Variants in PTPRG observed in about 807,000 individuals in gnomAD.
PTPRG encodes protein tyrosine phosphatase receptor type G, also known as receptor-type tyrosine-protein phosphatase gamma.
In PTPRG, 102 loss-of-function variants were observed where a neutral mutation model predicts 165.3. The ratio of observed to expected loss-of-function variants is 0.62; its 90% CI spans 0.53 to 0.73. PTPRG has a LOEUF of 0.73. PTPRG is among the 30% of genes least tolerant of loss of function. The pLI, the probability that PTPRG is intolerant of heterozygous loss-of-function variation, is 0.00. For synonymous variants in PTPRG, 675 were observed against 669.5 expected, an observed-to-expected ratio of 1.01 and a Z score of -0.13; for missense variants, 1,866 against 1,861.4, an observed-to-expected ratio of 1.00 and a Z score of -0.05.
chr3:62,059,313 C>G (rs190844224), intron 4 of PTPRG, among the ~76,000 whole-genome samples: 66 of 152,278 alleles, frequency 4.3e-4, no homozygotes, highest in Non-Finnish European at 8.4e-4. Flanking sequence ...GTTCCTCATT[C>G]CATTCCCCTA....
chr3:62,116,583 C>G (rs1346062472), intron 5 of PTPRG, among the ~76,000 whole-genome samples: 3 of 152,112 alleles, frequency 2.0e-5, no homozygotes, highest in Non-Finnish European at 4.4e-5. Flanking sequence ...GTGTATGTTT[C>G]CATTAATGCC....
chr3:61,859,869 T>C (rs1280526425), intron 2 of PTPRG, among the ~76,000 whole-genome samples: 1 of 152,172 alleles, frequency 6.6e-6, no homozygotes, highest in African/African-American at 2.4e-5. Flanking sequence ...CAACATAAAC[T>C]CTCCCATCTG....
At chr3:61,870,961 G>A (rs930236385) in intron 2 of PTPRG, among the ~76,000 whole-genome samples, 1 of 151,996 alleles carries the variant, frequency 6.6e-6, no homozygotes, top group Non-Finnish European at 1.5e-5. Context: ...ATGAATATTC[G>A]AATCAGGGGT....
intron 1 of PTPRG, among the ~76,000 whole-genome samples, chr3:61,741,789 T>C (rs536546115): frequency 6.6e-6 from 1 of 152,292 alleles, no homozygotes; most frequent in South Asian, 2.1e-4. Context: ...TTTGTGGCCA[T>C]GTATCTTCTT....
intron 2 of PTPRG, among the ~76,000 whole-genome samples, chr3:61,775,915 C>T (rs891990553): frequency 2.2e-4 from 9 of 41,048 alleles, no homozygotes; most frequent in Admixed American, 3.8e-4. Flanking sequence ...CATCATACAC[C>T]GGGGGCTGTT....
chr3:61,676,485 A>G (rs1032075826), intron 1 of PTPRG, among the ~76,000 whole-genome samples: 13 of 149,714 alleles, frequency 8.7e-5, no homozygotes, highest in African/African-American at 3.2e-4. Context: ...GAAAATTACT[A>G]AAGTCTGTGA....
intron 2 of PTPRG, among the ~76,000 whole-genome samples, chr3:61,919,692 T>G (rs2039030663): frequency 6.6e-6 from 1 of 152,114 alleles, no homozygotes; most frequent in African/African-American, 2.4e-5. Context: ...TTCATGTACC[T>G]CCTCTAAAGG....
intron 6 of PTPRG, among the ~76,000 whole-genome samples, chr3:62,142,516 A>G (rs764296426): frequency 2.0e-4 from 30 of 152,172 alleles, no homozygotes; most frequent in Non-Finnish European, 4.0e-4. Context: ...ATCAAAGAAG[A>G]CAATGATTAA....
chr3:61,997,927 T>A lies in PTPRG; in HGVS notation c.371-5422T>A, dbSNP rs949658217. ...TGTGGAAGGTGGTCTGGGGATCCCA[T>A]CATTAGGGTCCAATAATGGTAGGCT... is the stretch of plus-strand genomic sequence containing the variant. On this transcript the variant is annotated intron_variant, in intron 3 of 29. Transcript: ENST00000474889. Among the ~76,000 whole-genome samples the A allele has an allele frequency of 2.0e-5, 3 of 152,198 alleles. No individual in the cohort carries two copies. The East Asian group carries it at 5.8e-4, about 29-fold the overall frequency.
At chr3:61,781,426 A>G (rs2034541698) in intron 2 of PTPRG, among the ~76,000 whole-genome samples, 1 of 152,240 alleles carries the variant, frequency 6.6e-6, no homozygotes, top group African/African-American at 2.4e-5. Context: ...ATAATTTAAT[A>G]TATTTTTTGA....
intron 1 of PTPRG, among the ~76,000 whole-genome samples, chr3:61,619,738 TATGA>T (rs1214888174): frequency 6.6e-6 from 1 of 152,172 alleles, no homozygotes; most frequent in Non-Finnish European, 1.5e-5. Context: ...GAAGGTGAGC[TATGA>T]ATTAGTGGCA....
At chr3:61,967,913 T>C (rs2040305287) in intron 2 of PTPRG, among the ~76,000 whole-genome samples, 1 of 152,218 alleles carries the variant, frequency 6.6e-6, no homozygotes, top group Non-Finnish European at 1.5e-5. Context: ...CTAGTAAACA[T>C]GTAAAATAAG....
intron 6 of PTPRG, among the ~76,000 whole-genome samples, chr3:62,138,549 T>G (rs923453609): frequency 1.3e-5 from 2 of 151,910 alleles, no homozygotes; most frequent in Non-Finnish European, 2.9e-5. Flanking sequence ...TGAATCTCCA[T>G]CTCTACTAAA....
At chr3:61,655,260 C>T (rs1702479807) in intron 1 of PTPRG, among the ~76,000 whole-genome samples, 1 of 152,180 alleles carries the variant, frequency 6.6e-6, no homozygotes, top group South Asian at 2.1e-4. Context: ...CCTCTCTCTT[C>T]TTTGTCCTTA....
chr3:61,666,811 T>C (rs1376518473), intron 1 of PTPRG, among the ~76,000 whole-genome samples: 4 of 152,204 alleles, frequency 2.6e-5, no homozygotes, highest in African/African-American at 4.8e-5. Context: ...ACCAGAGATG[T>C]CTCAAGAGTA....
At chr3:61,731,947 G>A (rs573856181) in intron 1 of PTPRG, among the ~76,000 whole-genome samples, 4 of 151,818 alleles carry the variant, frequency 2.6e-5, no homozygotes, top group East Asian at 2.0e-4. Flanking sequence ...TATTACAGGC[G>A]CCCACTACCA....
intron 12 of PTPRG, among the ~76,000 whole-genome samples, chr3:62,205,007 C>CA (rs967528024): frequency 2.0e-4 from 29 of 146,486 alleles, no homozygotes; most frequent in East Asian, 8.0e-4. Flanking sequence ...TATAAGAGTG[C>CA]AAAAAAAAAG....
rs1271181934 is a variant in PTPRG at position 62,170,898 on chromosome 3, A to G, written c.1033+2735A>G. Among the ~76,000 whole-genome samples the G allele has an allele frequency of 2.6e-5, 4 of 151,962 alleles. No homozygotes were observed. The East Asian group carries it at 5.8e-4, about 22-fold the overall frequency. ...GAGTAACAAGCACCTAGATCAAGAA[A>G]CTCCCGTCTAGGATCTCAGGACTCC... On this transcript the variant is annotated intron_variant, in intron 8 of 29. Transcript: ENST00000474889.
intron 2 of PTPRG, among the ~76,000 whole-genome samples, chr3:61,986,557 C>T (rs777163824): frequency 2.6e-5 from 4 of 152,156 alleles, no homozygotes; most frequent in Non-Finnish European, 5.9e-5. Context: ...TAGAGGTTGG[C>T]AGTATGTCTC....
Sources: allele counts gnomAD v4.1 joint callset (sites outside exome capture counted in the v4.1 genomes callset), GRCh38; gene constraint gnomAD v4.1.1; transcripts MANE v1.5; gene names NCBI Gene and HGNC (gene_info 2026-07-23, HGNC 2026-07-21).